CACNA2D1: variants seen among roughly 807,000 people sequenced by gnomAD.
CACNA2D1 encodes calcium voltage-gated channel auxiliary subunit alpha2delta 1, also known as voltage-dependent calcium channel subunit alpha-2/delta-1.
In CACNA2D1, 53 loss-of-function variants were observed where a neutral mutation model predicts 171.5. The observed-to-expected ratio is 0.31, with a 90% CI of 0.25 to 0.39. The LOEUF is 0.39. Among genes scored for constraint, CACNA2D1 ranks in the 10% least tolerant of loss-of-function variants. The probability of loss-of-function intolerance (pLI) is 1.00; values close to 1 mark genes in which losing one functional copy is unlikely to be tolerated. For missense variants in CACNA2D1, 903 were observed against 1,299.8 expected, an observed-to-expected ratio of 0.69 and a Z score of 4.69; for synonymous variants, 442 against 443.1, an observed-to-expected ratio of 1.00 and a Z score of 0.03.
At chr7:82,372,769 G>A (rs1822553514) in intron 1 of CACNA2D1, among the ~76,000 whole-genome samples, 1 of 152,082 alleles carries the variant, frequency 6.6e-6, no homozygotes, top group African/African-American at 2.4e-5. Flanking sequence ...GACTTGCAAA[G>A]AATCTACAGC....
At chr7:82,298,529 T>C (rs993181022) in intron 3 of CACNA2D1, among the ~76,000 whole-genome samples, 17 of 152,134 alleles carry the variant, frequency 1.1e-4, no homozygotes, top group Non-Finnish European at 2.9e-5. Context: ...TTCATATTTA[T>C]AGTTCAATCA....
chr7:82,060,044 C>T (rs1219776731), intron 10 of CACNA2D1, among the ~76,000 whole-genome samples: 1 of 105,478 alleles, frequency 9.5e-6, no homozygotes, highest in Non-Finnish European at 1.9e-5. Context: ...ATACCTAATG[C>T]TAAATGACGA....
intron 18 of CACNA2D1, among the ~76,000 whole-genome samples, chr7:82,002,384 C>T (rs746574170): frequency 1.3e-5 from 2 of 152,128 alleles, no homozygotes; most frequent in Non-Finnish European, 2.9e-5. Context: ...CTGTGAGTTA[C>T]TAAATTCTGT....
chr7:82,000,863 T>C (rs979689411), intron 18 of CACNA2D1, among the ~76,000 whole-genome samples: 3 of 128,266 alleles, frequency 2.3e-5, no homozygotes, highest in Non-Finnish European at 3.1e-5. Context: ...ACTCCTGACC[T>C]TGTGATCGGC....
At chr7:82,140,475 T>A (rs534832565) in intron 4 of CACNA2D1, among the ~76,000 whole-genome samples, 1 of 152,298 alleles carries the variant, frequency 6.6e-6, no homozygotes, top group African/African-American at 2.4e-5. Context: ...CTTGATCAAT[T>A]TTAATAAGAA....
chr7:82,109,289 T>C lies in CACNA2D1; in HGVS notation c.526+7755A>G, dbSNP rs534474108. ...AACACAAAACTTAAGAAGGTCCTAC[T>C]GATGAAAACTCTTTTATGATTCTAT... On this transcript the variant is annotated intron_variant, in intron 6 of 38. Coordinates refer to ENST00000356860, the MANE Select transcript of CACNA2D1 (RefSeq NM_000722.4). Among the ~76,000 whole-genome samples the C allele has an allele frequency of 1.8e-3, 267 of 152,280 alleles. 3 individuals carry two copies. The South Asian group carries it at 0.019, about 11-fold the overall frequency.
chr7:82,409,908 T>C (rs1321161280), intron 1 of CACNA2D1, among the ~76,000 whole-genome samples: 10 of 152,232 alleles, frequency 6.6e-5, no homozygotes, highest in Non-Finnish European at 2.9e-5. Context: ...TGGTATAGCC[T>C]ACTGCTCCTA....
intron 3 of CACNA2D1, among the ~76,000 whole-genome samples, chr7:82,276,496 G>A (rs1056688381): frequency 6.6e-6 from 1 of 152,124 alleles, no homozygotes; most frequent in Non-Finnish European, 1.5e-5. Context: ...AGTAGCTCCA[G>A]GTAGCAATGT....
At chr7:82,336,021 G>C (rs1817946972) in intron 2 of CACNA2D1, among the ~76,000 whole-genome samples, 1 of 152,162 alleles carries the variant, frequency 6.6e-6, no homozygotes, top group Non-Finnish European at 1.5e-5. Flanking sequence ...AGAAAGGGGG[G>C]TTGGAGGGGA....
intron 19 of CACNA2D1, among the ~76,000 whole-genome samples, chr7:81,995,409 A>C (rs1434875082): frequency 6.6e-6 from 1 of 152,214 alleles, no homozygotes; most frequent in East Asian, 1.9e-4. Flanking sequence ...GTACCAAAAA[A>C]ATCTAAATAA....
rs373192347 is a variant in CACNA2D1, at chr7:82,140,557, A to G, written c.355-3881T>C. ...TGCTCTGTCAACCAAATCCACCTCT[A>G]TGGAATATGACCTTAAAATAAATGC... is the stretch of plus-strand genomic sequence containing the variant. On this transcript the variant is annotated intron_variant, in intron 4 of 38. Transcript: ENST00000356860. Among the ~76,000 whole-genome samples, 18 of 152,320 alleles carry G rather than the reference A, an allele frequency of 1.2e-4. No individual in the cohort carries two copies. The South Asian group carries it at 1.4e-3, about 12-fold the overall frequency.
In CACNA2D1 at chr7:81,964,219, G is replaced by A; in HGVS notation, c.2715C>T (p.Arg905=). ...GAAPKQGAGH[R]SAYVPSVADI... is the part of the protein sequence containing the mutation. ...GGATATTACTGACCACATATGCTGA[G>A]CGATGTCCTGCTCCTTGTTTTGGTG... Residue 905 remains arginine (R), a synonymous_variant, in exon 33 of 39, where the codon CGC becomes CGT. Transcript: ENST00000356860. 1 of 1,612,830 alleles carries A rather than the reference G, an allele frequency of 6.2e-7. No individual in the cohort carries two copies. The highest frequency in any genetic ancestry group is 2.2e-5 in the East Asian group (1 of 44,838).
chr7:82,334,854 G>A (rs1373652638), intron 3 of CACNA2D1, among the ~76,000 whole-genome samples: 1 of 151,766 alleles, frequency 6.6e-6, no homozygotes, highest in African/African-American at 2.4e-5. Flanking sequence ...ATTTAAACAT[G>A]TTCAATTTAT....
At chr7:82,065,318 C>G (rs935842779) in intron 8 of CACNA2D1, among the ~76,000 whole-genome samples, 1 of 152,084 alleles carries the variant, frequency 6.6e-6, no homozygotes, top group African/African-American at 2.4e-5. Context: ...GACAGCAAAC[C>G]TGGCTGATGC....
chr7:82,099,422 CTTTTTTTTTTTTTTTTTTTTTTTTTT>C (rs932080938), intron 6 of CACNA2D1, among the ~76,000 whole-genome samples: 9 of 40,292 alleles, frequency 2.2e-4, no homozygotes, highest in Admixed American at 9.2e-4. Flanking sequence ...GCAATACCTT[CTTTTTTTTTTTTTTTTTTTTTTTTTT>C]TTTTTTTTTT....
intron 3 of CACNA2D1, among the ~76,000 whole-genome samples, chr7:82,201,609 C>G (rs1199592855): frequency 6.6e-6 from 1 of 152,186 alleles, no homozygotes; most frequent in Non-Finnish European, 1.5e-5. Flanking sequence ...TAGCTGCAAA[C>G]AGTTTACAGC....
intron 17 of CACNA2D1, 133 bp from the exon 18 acceptor site, chr7:82,005,630 T>C: frequency 3.4e-6 from 3 of 877,314 alleles, no homozygotes; most frequent in Non-Finnish European, 5.6e-6. Flanking sequence ...CATTTTATTT[T>C]AGAGATGCTT....
intron 3 of CACNA2D1, among the ~76,000 whole-genome samples, chr7:82,227,954 G>T (rs1802530920): frequency 6.6e-6 from 1 of 152,062 alleles, no homozygotes; most frequent in Non-Finnish European, 1.5e-5. Context: ...AACCCCAAGT[G>T]TACATGTACC....
At chr7:82,410,790 C>T (rs1177350976) in intron 1 of CACNA2D1, among the ~76,000 whole-genome samples, 1 of 152,194 alleles carries the variant, frequency 6.6e-6, no homozygotes, top group Non-Finnish European at 1.5e-5. Flanking sequence ...CAGTACCAAG[C>T]GATGAGTCTT....
Sources: allele counts gnomAD v4.1 joint callset (sites outside exome capture counted in the v4.1 genomes callset), GRCh38; gene constraint gnomAD v4.1.1; transcripts MANE v1.5; gene names NCBI Gene and HGNC (gene_info 2026-07-23, HGNC 2026-07-21).